The following PTPRD variants were observed in gnomAD, a reference collection of about 807,000 sequenced individuals.
PTPRD encodes the protein protein tyrosine phosphatase receptor type D, also known as receptor-type tyrosine-protein phosphatase delta.
Under a neutral mutation model 214.5 loss-of-function variants are expected in PTPRD, and 34 were observed. The observed-to-expected ratio is 0.16, with a 90% CI of 0.12 to 0.21. The LOEUF (loss-of-function observed/expected upper bound fraction) is 0.21, where lower values mean the gene tolerates loss of function less well. Ranked by LOEUF, PTPRD falls within the 10% of genes least tolerant of loss-of-function variation. PTPRD has a pLI of 1.00. For missense variants in PTPRD, 2,545 were observed against 2,398.7 expected (o/e 1.06, Z -1.27); for synonymous variants, 1,128 against 845.7 (o/e 1.33, Z -5.79).
At chr9:10,292,081 G>A (rs916981826) in intron 3 of PTPRD, among the ~76,000 whole-genome samples, 4 of 151,856 alleles carry the variant, frequency 2.6e-5, no homozygotes, top group Non-Finnish European at 5.9e-5. Context: ...AAGTTCTAAG[G>A]CGTTAATCCT....
chr9:9,485,926 G>A (rs994738840), intron 8 of PTPRD, among the ~76,000 whole-genome samples: 1 of 152,052 alleles, frequency 6.6e-6, no homozygotes, highest in African/African-American at 2.4e-5. Context: ...GCCAAGGCAG[G>A]TGGATCATGA....
chr9:8,933,340 G>GTTTTTT (rs71317383), intron 11 of PTPRD, among the ~76,000 whole-genome samples: 1,715 of 80,144 alleles, frequency 0.021, 179 homozygotes, highest in South Asian at 0.11. Context: ...CAACCTTGAG[G>GTTTTTT]TTTTTTTTTT....
intron 11 of PTPRD, among the ~76,000 whole-genome samples, chr9:8,801,567 T>C (rs995036522): frequency 6.6e-6 from 1 of 151,846 alleles, no homozygotes; most frequent in African/African-American, 2.4e-5. Context: ...AAATACAAAA[T>C]TAGCCAGGCA....
chr9:9,474,364 G>A (rs909325131), intron 8 of PTPRD, among the ~76,000 whole-genome samples: 1 of 151,946 alleles, frequency 6.6e-6, no homozygotes, highest in Non-Finnish European at 1.5e-5. Flanking sequence ...TAGCTTTATA[G>A]TACATTTTGA....
intron 33 of PTPRD, among the ~76,000 whole-genome samples, chr9:8,457,851 G>T (rs938432139): frequency 6.6e-6 from 1 of 152,026 alleles, no homozygotes; most frequent in Non-Finnish European, 1.5e-5. Context: ...TATATAAACT[G>T]AAAGGCACCT....
At chr9:10,112,837 G>C (rs556088326) in intron 3 of PTPRD, among the ~76,000 whole-genome samples, 1 of 152,158 alleles carries the variant, frequency 6.6e-6, no homozygotes, top group East Asian at 1.9e-4. Flanking sequence ...CAATGTTCAC[G>C]TCTTGTCTTA....
chr9:10,222,789 T>A (rs2099575589), intron 3 of PTPRD, among the ~76,000 whole-genome samples: 1 of 151,978 alleles, frequency 6.6e-6, no homozygotes, highest in Non-Finnish European at 1.5e-5. Context: ...AATTTTGTGA[T>A]CTGAAATGAC....
intron 36 of PTPRD, among the ~76,000 whole-genome samples, chr9:8,393,948 G>C (rs2090367557): frequency 6.6e-6 from 1 of 152,068 alleles, no homozygotes; most frequent in African/African-American, 2.4e-5. Context: ...GTTAATGCAA[G>C]CCTGTAAAGC....
intron 6 of PTPRD, among the ~76,000 whole-genome samples, chr9:9,744,923 C>T (rs1468997814): frequency 6.6e-6 from 1 of 151,756 alleles, no homozygotes; most frequent in Non-Finnish European, 1.5e-5. Context: ...TCTAATGCTG[C>T]CCTGGAATAT....
rs869309660 is a variant in PTPRD, at chr9:8,373,832, GTA to G, written c.4661+2102_4661+2103del. 9.3e-3 allele frequency among the ~76,000 whole-genome samples: 844 copies of G among 90,628 alleles called. 18 individuals are homozygous for G. Among genetic ancestry groups the G allele is most frequent in the Admixed American group, 0.039 (259 of 6,626 alleles). The allele number at this position is 90,628 out of a possible 152,430, so 59.5% of individuals were successfully genotyped here. A position where few individuals can be genotyped will look rare whatever the true frequency, so the allele number is the denominator to read the frequency against. ...TGTATGTATGTATGTATGTATGTAT[GTA>G]TGTATGTATGTATGTGTATGTGTCT... On this transcript the variant is annotated intron_variant, in intron 39 of 45. Transcript: ENST00000381196.
At chr9:9,246,422 T>C (rs867393508) in intron 9 of PTPRD, among the ~76,000 whole-genome samples, 1 of 152,064 alleles carries the variant, frequency 6.6e-6, no homozygotes, top group Non-Finnish European at 1.5e-5. Context: ...CCTATTCCTG[T>C]ATGGGCTGCT....
At chr9:9,923,123 G>GGTGGGTGT (rs2083104530) in intron 5 of PTPRD, among the ~76,000 whole-genome samples, 1 of 144,960 alleles carries the variant, frequency 6.9e-6, no homozygotes, top group African/African-American at 2.6e-5. Flanking sequence ...GTGTGTGGGG[G>GGTGGGTGT]GTGTGTGTGT....
chr9:9,906,349 C>G (rs117792026), intron 5 of PTPRD, among the ~76,000 whole-genome samples: 1 of 151,862 alleles, frequency 6.6e-6, no homozygotes, highest in Non-Finnish European at 1.5e-5. Flanking sequence ...ATTCCAACTT[C>G]ACTCTATACT....
At chr9:8,688,580 G>T (rs1356142074) in intron 12 of PTPRD, among the ~76,000 whole-genome samples, 1 of 144,024 alleles carries the variant, frequency 6.9e-6, no homozygotes, top group East Asian at 2.0e-4. Flanking sequence ...AAAAAAAAAA[G>T]AAAAAAATAT....
chr9:8,693,528 A>G (rs1446586716), intron 12 of PTPRD, among the ~76,000 whole-genome samples: 1 of 152,184 alleles, frequency 6.6e-6, no homozygotes, highest in African/African-American at 2.4e-5. Flanking sequence ...CAAGCACTTT[A>G]TCAGTACTTA....
chr9:9,953,224 T>C (rs2093611434), intron 4 of PTPRD, among the ~76,000 whole-genome samples: 1 of 152,076 alleles, frequency 6.6e-6, no homozygotes, highest in Non-Finnish European at 1.5e-5. Context: ...GCAGCAGTAA[T>C]CAGTAAAATT....
At chr9:8,581,718 G>A (rs1481254034) in intron 14 of PTPRD, among the ~76,000 whole-genome samples, 4 of 150,960 alleles carry the variant, frequency 2.6e-5, no homozygotes, top group African/African-American at 9.7e-5. Flanking sequence ...CTGCACTCTA[G>A]CCCGGACGAC....
intron 11 of PTPRD, among the ~76,000 whole-genome samples, chr9:8,776,460 T>A (rs954570449): frequency 6.6e-6 from 1 of 152,028 alleles, no homozygotes; most frequent in Admixed American, 6.6e-5. Context: ...CACTACAATG[T>A]CCAGCTAATT....
intron 11 of PTPRD, among the ~76,000 whole-genome samples, chr9:8,824,193 C>G (rs1461209108): frequency 1.3e-5 from 2 of 152,150 alleles, no homozygotes; most frequent in African/African-American, 4.8e-5. Flanking sequence ...ATGCCTTAAT[C>G]GTCTGGGAAT....
Sources: gnomAD v4.1 joint callset for allele counts (sites outside exome capture counted in the v4.1 genomes callset) on GRCh38, gnomAD v4.1.1 for gene constraint, MANE v1.5 for transcripts, NCBI Gene and HGNC (gene_info 2026-07-23, HGNC 2026-07-21) for gene names.